The following PLCB1 variants were observed in gnomAD, a reference collection of about 807,000 sequenced individuals.
PLCB1 encodes phospholipase C beta 1.
Under a neutral mutation model 161.8 loss-of-function variants are expected in PLCB1, and 46 were observed. The observed-to-expected ratio is 0.28, with a 90% CI of 0.22 to 0.36. The LOEUF (loss-of-function observed/expected upper bound fraction) is 0.36. Ranked by LOEUF, PLCB1 falls within the 10% of genes least tolerant of loss-of-function variation. The pLI is 1.00. For synonymous variants in PLCB1, 517 were observed against 503.7 expected (o/e 1.03, Z -0.35); for missense variants, 1,016 against 1,472.5 (o/e 0.69, Z 5.07).
At chr20:8,874,804 A>C (rs566271910) in intron 31 of PLCB1, among the ~76,000 whole-genome samples, 1 of 152,132 alleles carries the variant, frequency 6.6e-6, no homozygotes, top group East Asian at 1.9e-4. Flanking sequence ...TACAAAAATA[A>C]ATATCTTAGT....
chr20:8,514,912 GT>G (rs1984048527), intron 3 of PLCB1, among the ~76,000 whole-genome samples: 2 of 152,262 alleles, frequency 1.3e-5, no homozygotes, highest in South Asian at 4.1e-4. Flanking sequence ...ATCTCCAGGA[GT>G]TCAGGGGTTA....
chr20:8,187,417 A>G (rs1297403677), intron 2 of PLCB1, among the ~76,000 whole-genome samples: 1 of 152,160 alleles, frequency 6.6e-6, no homozygotes, highest in African/African-American at 2.4e-5. Flanking sequence ...CTTTGCATGT[A>G]TCTAAAGTTC....
At chr20:8,195,376 A>G (rs1293384598) in intron 2 of PLCB1, among the ~76,000 whole-genome samples, 3 of 152,158 alleles carry the variant, frequency 2.0e-5, no homozygotes, top group Non-Finnish European at 4.4e-5. Context: ...CAGAGCCCTC[A>G]TAAATGGGAT....
At chr20:8,430,075 A>G (rs771945) in intron 3 of PLCB1, among the ~76,000 whole-genome samples, 67,718 of 151,700 alleles carry the variant, frequency 0.45, 15,748 homozygotes, top group Non-Finnish European at 0.49. Context: ...GATGAAGCCT[A>G]AGGGTCTGAA....
chr20:8,278,780 T>C (rs1006185595), intron 2 of PLCB1, among the ~76,000 whole-genome samples: 1 of 152,086 alleles, frequency 6.6e-6, no homozygotes, highest in Non-Finnish European at 1.5e-5. Flanking sequence ...TATTTTCTAT[T>C]AAAGGTGAAC....
At chr20:8,593,408 G>A (rs1987217633) in intron 3 of PLCB1, among the ~76,000 whole-genome samples, 1 of 151,996 alleles carries the variant, frequency 6.6e-6, no homozygotes, top group African/African-American at 2.4e-5. Flanking sequence ...TTCCCAGGCT[G>A]GCCTTCAACT....
chr20:8,464,538 TA>T (rs1264074104), intron 3 of PLCB1, among the ~76,000 whole-genome samples: 57 of 152,196 alleles, frequency 3.7e-4, no homozygotes, highest in Admixed American at 3.7e-3. Flanking sequence ...AATCTGCTGA[TA>T]AAACATCTGT....
In PLCB1 at chr20:8,788,445, C is replaced by G. The variant is rs1983592989; in HGVS notation, c.3112-4C>G. 1 of 1,611,632 alleles carries G rather than the reference C, an allele frequency of 6.2e-7. No homozygotes were observed. The highest frequency in any genetic ancestry group is 1.7e-5 in the Admixed American group (1 of 59,674). On this transcript the variant is annotated splice_polypyrimidine_tract_variant and splice_region_variant and intron_variant, in intron 27 of 31. Transcript: ENST00000338037. ...AATAGCAAACTGACATTTTCTTTTT[C>G]CAGCTTATTCAAAAGTTGACGGATG...
rs1170013320 is a variant in PLCB1 at position 8,323,173 on chromosome 20, G to A, written c.178-48209G>A. Among the ~76,000 whole-genome samples the A allele has an allele frequency of 2.0e-5, 3 of 152,184 alleles. No homozygotes were observed. In the East Asian group the frequency reaches 5.8e-4, roughly 29 times the overall value. ...TGGTCATTCTCTTTCTTTCGGATAT[G>A]TTTTGTGTTCTTTCTAAAATATAGT... On this transcript the variant is annotated intron_variant, in intron 2 of 31. Transcript: ENST00000338037.
At chr20:8,660,722 G>T (rs1314154558) in intron 9 of PLCB1, among the ~76,000 whole-genome samples, 2 of 152,058 alleles carry the variant, frequency 1.3e-5, no homozygotes, top group Non-Finnish European at 1.5e-5. Context: ...GCCATTTTAT[G>T]AATTTCAAAT....
chr20:8,732,328 G>A (rs1028226658), intron 18 of PLCB1, among the ~76,000 whole-genome samples: 3 of 151,832 alleles, frequency 2.0e-5, no homozygotes, highest in African/African-American at 7.3e-5. Context: ...CTTTCTGAAG[G>A]GCATTTTAGC....
At chr20:8,595,080 A>G (rs1987287290) in intron 3 of PLCB1, among the ~76,000 whole-genome samples, 1 of 152,168 alleles carries the variant, frequency 6.6e-6, no homozygotes, top group Admixed American at 6.5e-5. Flanking sequence ...AAGGCAATTA[A>G]TATGTCTATA....
intron 2 of PLCB1, among the ~76,000 whole-genome samples, chr20:8,309,957 T>C (rs996511844): frequency 1.3e-5 from 2 of 152,224 alleles, no homozygotes; most frequent in African/African-American, 4.8e-5. Context: ...CTGATATGGT[T>C]GATTGGTTTT....
At chr20:8,310,824 G>T (rs975114847) in intron 2 of PLCB1, among the ~76,000 whole-genome samples, 1 of 152,164 alleles carries the variant, frequency 6.6e-6, no homozygotes, top group South Asian at 2.1e-4. Flanking sequence ...TGTGATATTG[G>T]TTTTCTGGCT....
chr20:8,773,271 T>A (rs564971155), intron 26 of PLCB1, among the ~76,000 whole-genome samples: 1 of 152,206 alleles, frequency 6.6e-6, no homozygotes, highest in South Asian at 2.1e-4. Context: ...CAGAGTCTGA[T>A]GTGTTGAATG....
rs1444767154 is a variant in PLCB1, at chr20:8,651,698, T to C, written c.594+2249T>C. 19 of 493,454 alleles carry C rather than the reference T, an allele frequency of 3.9e-5. No homozygotes were observed. In the East Asian group the frequency reaches 5.5e-4, roughly 14 times the overall value. 30.6% of individuals were successfully genotyped at this position (493,454 alleles called of 1,614,324 possible). ...GGACAATAGAGTCTTCTGGGGAAAC[T>C]AGCCAATAAGCATGCCAACAAATGC... On this transcript the variant is annotated intron_variant, in intron 7 of 31. Coordinates refer to ENST00000338037, the MANE Select transcript of PLCB1 (RefSeq NM_015192.4).
At chr20:8,197,196 G>C (rs1023634949) in intron 2 of PLCB1, among the ~76,000 whole-genome samples, 1 of 152,140 alleles carries the variant, frequency 6.6e-6, no homozygotes, top group African/African-American at 2.4e-5. Flanking sequence ...TAATGGGATG[G>C]CTGGGTCAAA....
chr20:8,574,929 G>C (rs1242927004), intron 3 of PLCB1, among the ~76,000 whole-genome samples: 1 of 152,228 alleles, frequency 6.6e-6, no homozygotes, highest in Non-Finnish European at 1.5e-5. Flanking sequence ...ATGGTAAAGA[G>C]AGACACAGCT....
chr20:8,156,639 A>T lies in PLCB1; in HGVS notation c.177+6268A>T, dbSNP rs570264458. 2.4e-4 allele frequency among the ~76,000 whole-genome samples: 36 copies of T among 152,254 alleles called. 1 individual carries two copies. In the East Asian group the frequency reaches 7.0e-3, roughly 30 times the overall value. ...GGGAAGCCCAAAGCTGGTTGAGGAAACCAGCTTTGAAGCTGTGACAGATGT... is the reference window on the plus strand; with the variant it reads ...GGGAAGCCCAAAGCTGGTTGAGGAATCCAGCTTTGAAGCTGTGACAGATGT... On this transcript the variant is annotated intron_variant, in intron 2 of 31. Transcript: ENST00000338037.
Sources: gnomAD v4.1 joint callset for allele counts (sites outside exome capture counted in the v4.1 genomes callset) on GRCh38, gnomAD v4.1.1 for gene constraint, MANE v1.5 for transcripts, NCBI Gene and HGNC (gene_info 2026-07-23, HGNC 2026-07-21) for gene names.